The following CSF3R variants were observed in gnomAD, a reference collection of about 807,000 sequenced individuals.
The protein encoded by CSF3R is granulocyte colony-stimulating factor receptor.
CSF3R carries 52 observed loss-of-function variants against 84.4 expected under a neutral mutation model. That is an observed-to-expected ratio of 0.62 (90% CI 0.49 to 0.78). The LOEUF (loss-of-function observed/expected upper bound fraction) is 0.78, where lower values mean the gene tolerates loss of function less well. CSF3R is among the 30% of genes least tolerant of loss of function. CSF3R has a pLI of 0.00. For missense variants in CSF3R, 890 were observed against 1,055.7 expected (o/e 0.84, Z 2.17); for synonymous variants, 384 against 429.1 (o/e 0.89, Z 1.30).
At chr1:36,471,721 G>T in intron 9 of CSF3R, 75 bp from the exon 10 acceptor site, 2 of 1,474,350 alleles carry the variant, frequency 1.4e-6, no homozygotes, top group Non-Finnish European at 1.9e-6. Context: ...TAGGTGGGGT[G>T]GATGGATCAT....
In CSF3R at chr1:36,466,260, G is replaced by T; in HGVS notation, c.*97C>A. ...ACTGGAGATGGTGAGAGCCTGGGCT[G>T]GGGTAGTTTTTAGTCATGGGCTTAT... On this transcript the variant is annotated 3_prime_UTR_variant, in exon 17 of 17. Transcript: ENST00000373106. The surrounding 1 kb of genome is among the most constrained non-coding windows in gnomAD (Gnocchi z 4.6). 6.2e-7 allele frequency: 1 copy of T among 1,613,288 alleles called. No homozygotes were observed.
Position 36,475,536 on chromosome 1 carries a change from C to T in CSF3R, c.202G>A (p.Glu68Lys). 1 of 1,614,152 alleles carries T rather than the reference C, an allele frequency of 6.2e-7. No individual in the cohort carries two copies. The highest frequency in any genetic ancestry group is 8.5e-7 in the Non-Finnish European group (1 of 1,180,030). Residue 68 changes from glutamate to lysine, a missense_variant, in exon 4 of 17, where the codon GAG (glutamate) becomes AAG (lysine). Coordinates refer to ENST00000373106, the MANE Select transcript of CSF3R (RefSeq NM_000760.4). ...EPQILWRLGA[E>K]LQPGGRQQRL... ...TGCTGCCTGCCCCCGGGCTGAAGCT[C>T]TGCTCCCAGTCTCCACAGAATCTGT...
At position 36,479,450 on chromosome 1, in the gene CSF3R, A is replaced by G; in HGVS notation, c.47T>C (p.Ile16Thr). ...NCSLTWAALI[I>T]LLLPGSLEEC... ...ATACTCACTTCCGGGGAGCAGCAGG[A>G]TGATCAGGGCAGCCCAAGTCAGGCT... The change falls in exon 3 of 17, where the codon ATC (isoleucine) becomes ACC (threonine). Residue 16 changes from isoleucine to threonine, a missense_variant. Ile to Thr is a moderately conservative substitution (Grantham distance 89). Coordinates refer to ENST00000373106, the MANE Select transcript of CSF3R (RefSeq NM_000760.4). 7 of 1,614,160 alleles carry G rather than the reference A, an allele frequency of 4.3e-6. No homozygotes were observed. Among genetic ancestry groups the G allele is most frequent in the Non-Finnish European group, 5.9e-6 (7 of 1,180,032 alleles).
chr1:36,479,297 A>C (rs1651371450), intron 3 of CSF3R, 136 bp downstream of exon 3: 1 of 897,584 alleles, frequency 1.1e-6, no homozygotes, highest in Non-Finnish European at 1.8e-6. Flanking sequence ...CAGCTACCCC[A>C]CATCTGTGGC....
At position 36,467,002 on chromosome 1, in the gene CSF3R, A is replaced by G. The variant is rs1212502953; in HGVS notation, c.2041-175T>C. ...TCCTCACACATGCCTGACACATGCC[A>G]TGCACCGTTCAGACTCAGCATGGTC... On this transcript the variant is annotated intron_variant, in intron 16 of 16. Coordinates refer to ENST00000373106, the MANE Select transcript of CSF3R (RefSeq NM_000760.4). The surrounding 1 kb of genome is among the most constrained non-coding windows in gnomAD (Gnocchi z 4.1). 4 of 1,498,948 alleles carry G rather than the reference A, an allele frequency of 2.7e-6. No individual in the cohort carries two copies. The highest frequency in any genetic ancestry group is 2.3e-5 in the East Asian group (1 of 43,098). 92.9% of individuals were successfully genotyped at this position (1,498,948 alleles called of 1,614,324 possible). A position where few individuals can be genotyped will look rare whatever the true frequency, so the allele number is the denominator to read the frequency against.
In CSF3R at chr1:36,466,433, A is replaced by T; in HGVS notation, c.2435T>A (p.Val812Asp). The change falls in exon 17 of 17, where the codon GTC becomes GAC. Residue 812 changes from valine (V) to aspartate (D), a missense_variant. Coordinates refer to ENST00000373106, the MANE Select transcript of CSF3R (RefSeq NM_000760.4). This position sits in a 1 kb window ranked among gnomAD's most constrained non-coding sequence, Gnocchi z 4.6. ...TPAPSQEDDC[V>D]FGPLLNFPLL... ...GGGGAAGTTGAGCAGTGGCCCAAAG[A>T]CACAGTCGTCCTCCTGGCTTGGGGC... 6.2e-7 allele frequency: 1 copy of T among 1,613,542 alleles called. No homozygotes were observed. The highest frequency in any genetic ancestry group is 8.5e-7 in the Non-Finnish European group (1 of 1,179,886).
chr1:36,468,752 G>A (rs1483176493), intron 12 of CSF3R: 3 of 238,556 alleles, frequency 1.3e-5, no homozygotes, highest in South Asian at 1.1e-4. Flanking sequence ...TTATTTTTCT[G>A]TAGAGACAAG....
intron 4 of CSF3R, 91 bp from the exon 5 acceptor site, chr1:36,473,978 G>T: frequency 6.3e-7 from 1 of 1,586,976 alleles, no homozygotes; most frequent in Non-Finnish European, 8.6e-7. Flanking sequence ...CCTTGCCCTG[G>T]CTTGGTTCCT....
At position 36,472,787 on chromosome 1, in the gene CSF3R, C is replaced by T. The variant is rs189679925; in HGVS notation, c.674-101G>A. 92 of 1,360,092 alleles carry T rather than the reference C, an allele frequency of 6.8e-5. No individual in the cohort carries two copies. Among genetic ancestry groups the T allele is most frequent in the Admixed American group, 5.4e-4 (19 of 35,004 alleles). 84.3% of individuals were successfully genotyped at this position (1,360,092 alleles called of 1,614,324 possible). On this transcript the variant is annotated intron_variant, in intron 6 of 16. Transcript: ENST00000373106. The surrounding 1 kb of genome is among the most constrained non-coding windows in gnomAD (Gnocchi z 5.0). ...CTGTCTGTGGTTCACCATCTGTCCA[C>T]GTTGCCAATGACACGTTTCTGTGGT...
rs566477420 is a variant in CSF3R, at chr1:36,468,242, G to A, written c.1577-21C>T. ...GGGAGCTATGGGAAGAGAGAGGTGCGGGGGCTGAAGGGAGTGGGGCAGAGC... is the reference window on the plus strand; with the variant it reads ...GGGAGCTATGGGAAGAGAGAGGTGCAGGGGCTGAAGGGAGTGGGGCAGAGC... On this transcript the variant is annotated intron_variant, in intron 12 of 16. Transcript: ENST00000373106. The A allele has an allele frequency of 4.5e-6, 7 of 1,555,780 alleles. No homozygotes were observed. The Admixed American group carries it at 5.7e-5, about 13-fold the overall frequency.
chr1:36,476,695 C>G (rs1651175995), intron 3 of CSF3R, among the ~76,000 whole-genome samples: 1 of 150,808 alleles, frequency 6.6e-6, no homozygotes, highest in African/African-American at 2.4e-5. Context: ...AGTTCTTGCT[C>G]TGTCACTCAG....
At chr1:36,473,191 T>C (rs113425422) in intron 6 of CSF3R, 479 of 573,956 alleles carry the variant, frequency 8.3e-4, no homozygotes, top group African/African-American at 7.7e-3. Context: ...GTGGGTGCTT[T>C]AGGAAACACG....
Position 36,467,939 on chromosome 1 carries a change from G to T in CSF3R, c.1747C>A (p.Arg583Ser), listed in dbSNP as rs3917997. ...SFSAILNASS[R>S]GFVLHGLEPA... Reference sequence around the variant, plus strand: ...TCCAGGCCATGGAGGACAAAGCCACGGGAGGAGGCATTCAGGATGGCGGCT... The same window carrying T: ...TCCAGGCCATGGAGGACAAAGCCACTGGAGGAGGCATTCAGGATGGCGGCT... Residue 583 changes from arginine (R) to serine (S), a missense_variant, in exon 14 of 17, where the codon CGT (arginine) becomes AGT (serine). Transcript: ENST00000373106. This position sits in a 1 kb window ranked among gnomAD's most constrained non-coding sequence, Gnocchi z 4.1. The T allele has an allele frequency of 1.9e-6, 3 of 1,614,202 alleles. No individual in the cohort carries two copies. Among genetic ancestry groups the T allele is most frequent in the South Asian group, 1.1e-5 (1 of 91,088 alleles).
rs1192264648 is a variant in CSF3R at position 36,481,536 on chromosome 1, A to G, written c.-79T>C. 1 of 152,128 alleles carries G rather than the reference A, an allele frequency of 6.6e-6. No individual in the cohort carries two copies. The highest frequency in any genetic ancestry group is 1.5e-5 in the Non-Finnish European group (1 of 68,024). 9.4% of individuals were successfully genotyped at this position (152,128 alleles called of 1,614,324 possible). A position where few individuals can be genotyped will look rare whatever the true frequency, so the allele number is the denominator to read the frequency against. On this transcript the variant is annotated splice_region_variant and 5_prime_UTR_variant, in exon 2 of 17. The change abolishes an upstream ATG in the 5' untranslated region. Transcript: ENST00000373106. ...TTCCGAGCCGAGCCTCAGTTTCCCC[A>G]TCTGTGGGAAAGAAATAACATTAGC...
Position 36,467,717 on chromosome 1 carries a change from G to T in CSF3R, c.1865-66C>A, listed in dbSNP as rs1355024091. Reference sequence around the variant, plus strand: ...TGGGAAGGCTGGGTCTCCTCCCTCCGACCAGGGGATTCAAAGTCAGTCCCC... The same window carrying T: ...TGGGAAGGCTGGGTCTCCTCCCTCCTACCAGGGGATTCAAAGTCAGTCCCC... On this transcript the variant is annotated intron_variant, in intron 14 of 16. Transcript: ENST00000373106. This position sits in a 1 kb window ranked among gnomAD's most constrained non-coding sequence, Gnocchi z 4.1. The T allele has an allele frequency of 5.0e-6, 8 of 1,610,746 alleles. No homozygotes were observed. Among genetic ancestry groups the T allele is most frequent in the Admixed American group, 1.7e-5 (1 of 60,004 alleles).
Position 36,475,470 on chromosome 1 carries a change from G to T in CSF3R, c.268C>A (p.Pro90Thr). ...DGTQESIITL[P>T]HLNHTQAFLS... is the part of the protein sequence containing the mutation. ...AAGGCCTGAGTGTGGTTGAGGTGGG[G>T]CAGGGTGATGATAGATTCCTGGGTC... Residue 90 changes from proline to threonine, a missense_variant, in exon 4 of 17, where the codon CCC becomes ACC. By Grantham distance (38) the Pro-to-Thr change is conservative (BLOSUM62 -1). Transcript: ENST00000373106. 2 of 1,614,150 alleles carry T rather than the reference G, an allele frequency of 1.2e-6. No individual in the cohort carries two copies. Among genetic ancestry groups the T allele is most frequent in the Non-Finnish European group, 1.7e-6 (2 of 1,180,022 alleles).
At chr1:36,473,045 C>A in intron 6 of CSF3R, 1 of 400,540 alleles carries the variant, frequency 2.5e-6, no homozygotes. Flanking sequence ...CTATGCCCTT[C>A]TCCTCCTTTA....
In CSF3R at chr1:36,476,182, C is replaced by T. The variant is rs538962465; in HGVS notation, c.65-509G>A. ...TTCTGCTACCCCATCTCCATCGCAG[C>T]ACTTCAATGGCACATTATTGCTCTG... On this transcript the variant is annotated intron_variant, in intron 3 of 16. Coordinates refer to ENST00000373106, the MANE Select transcript of CSF3R (RefSeq NM_000760.4). 3.3e-4 allele frequency: 51 copies of T among 155,580 alleles called. 1 individual carries two copies. The South Asian group carries it at 3.9e-3, about 12-fold the overall frequency. The allele number at this position is 155,580 out of a possible 1,614,324, so 9.6% of individuals were successfully genotyped here.
Position 36,466,523 on chromosome 1 carries a change from G to A in CSF3R, c.2345C>T (p.Pro782Leu). The part of the protein sequence containing the change: ...STQPLLAGLT[P>L]SPKSYENLWF... ...GAGGTTCTCATAGGACTTGGGGCTG[G>A]GGGTGAGGCCCGCCAAGAGGGGCTG... Residue 782 changes from proline (P) to leucine (L), a missense_variant, in exon 17 of 17, where the codon CCC (proline) becomes CTC (leucine). Pro to Leu is a moderately conservative substitution (Grantham distance 98). Transcript: ENST00000373106. The surrounding 1 kb of genome is among the most constrained non-coding windows in gnomAD (Gnocchi z 4.6). The A allele has an allele frequency of 6.2e-7, 1 of 1,610,118 alleles. No individual in the cohort carries two copies. Among genetic ancestry groups the A allele is most frequent in the Non-Finnish European group, 8.5e-7 (1 of 1,177,516 alleles).
Sources: gnomAD v4.1 joint callset for allele counts (sites outside exome capture counted in the v4.1 genomes callset) on GRCh38, gnomAD v4.1.1 for gene constraint, Gnocchi (gnomAD v3.1) non-coding constraint, MANE v1.5 for transcripts, NCBI Gene and HGNC (gene_info 2026-07-23, HGNC 2026-07-21) for gene names.